The following DSPP variants were observed in gnomAD, a reference collection of about 807,000 sequenced individuals.
DSPP encodes dentin sialophosphoprotein.
Under a neutral mutation model 29.1 loss-of-function variants are expected in DSPP, and 28 were observed. The observed-to-expected ratio is 0.96, with a 90% CI of 0.71 to 1.32. The LOEUF is 1.32. Ranked by LOEUF, DSPP falls within the 40% of genes most tolerant of loss-of-function variation. The pLI is 0.00. For missense variants in DSPP, 1,281 were observed against 1,629.9 expected (o/e 0.79, Z 3.69); for synonymous variants, 481 against 503.4 (o/e 0.96, Z 0.60).
In DSPP at chr4:87,616,405, ACAG is replaced by A; in HGVS notation, c.3747_3749del (p.Ser1250del). On this transcript the variant is annotated inframe_deletion, in exon 5 of 5. Transcript: ENST00000651931. ...AGCAGCGATAGCAGTGACAGCAGCA[ACAG>A]CAGTGACAGCAGCGACAGCAGTGAT... 1 of 1,531,328 alleles carries A rather than the reference ACAG, an allele frequency of 6.5e-7. No homozygotes were observed. Among genetic ancestry groups the A allele is most frequent in the Non-Finnish European group, 8.8e-7 (1 of 1,130,740 alleles). The allele number at this position is 1,531,328 out of a possible 1,614,324, so 94.9% of individuals were successfully genotyped here.
Position 87,613,058 on chromosome 4 carries a change from A to C in DSPP, c.872A>C (p.His291Pro). The change falls in exon 4 of 5, where the codon CAT (histidine) becomes CCT (proline). Residue 291 changes from histidine (H) to proline (P), a missense_variant. His to Pro is a moderately conservative substitution (Grantham distance 77). Coordinates refer to ENST00000651931, the MANE Select transcript of DSPP (RefSeq NM_014208.3). ...CAGGACCATGGGAAAGAAGATGATC[A>C]TGATAGTAGCATAGGTCAAAATTCA... ...EGQDHGKEDD[H>P]DSSIGQNSDS... 6.2e-7 allele frequency: 1 copy of C among 1,614,198 alleles called. No homozygotes were observed. The highest frequency in any genetic ancestry group is 8.5e-7 in the Non-Finnish European group (1 of 1,180,032).
At position 87,615,938 on chromosome 4, in the gene DSPP, T is replaced by C. The variant is rs376726974; in HGVS notation, c.3276T>C (p.Asn1092=). ...SESSDSSDSS[N]SSDSSDSSDS... is the part of the protein sequence containing the mutation. ...GCAGTGATAGCAGTGACAGCAGCAA[T>C]AGCAGTGACAGCAGCGATAGCAGCG... is the stretch of plus-strand genomic sequence containing the variant. The change falls in exon 5 of 5, where the codon AAT becomes AAC. Residue 1092 remains asparagine (N), a synonymous_variant. Transcript: ENST00000651931. 58 of 371,576 alleles carry C rather than the reference T, an allele frequency of 1.6e-4. 15 individuals carry two copies. The African/African-American group carries it at 2.6e-3, about 16-fold the overall frequency. 23.0% of individuals were successfully genotyped at this position (371,576 alleles called of 1,614,324 possible).
chr4:87,613,406 T>G, intron 4 of DSPP, 98 bp downstream of exon 4: 1 of 1,410,674 alleles, frequency 7.1e-7, no homozygotes, highest in Non-Finnish European at 9.9e-7. Context: ...AGCATCCATG[T>G]ATTTTTGTAT....
chr4:87,613,979 C>T lies in DSPP; in HGVS notation c.1317C>T (p.Ser439=), dbSNP rs1171063709. The T allele has an allele frequency of 1.9e-6, 3 of 1,613,998 alleles. No homozygotes were observed. Among genetic ancestry groups the T allele is most frequent in the Non-Finnish European group, 2.5e-6 (3 of 1,180,042 alleles). The change falls in exon 5 of 5, where the codon AGC becomes AGT. Residue 439 remains serine, a synonymous_variant. Coordinates refer to ENST00000651931, the MANE Select transcript of DSPP (RefSeq NM_014208.3). ...KSEPGNKVGH[S]NTGSDSNSDG... is the part of the protein sequence containing the mutation. The stretch of plus-strand genomic sequence containing the variant: ...AACCAGGAAATAAAGTTGGACACAG[C>T]AATACAGGTAGTGACAGCAATAGTG...
In DSPP at chr4:87,613,016, G is replaced by T; in HGVS notation, c.830G>T (p.Ser277Ile). Reference sequence around the variant, plus strand: ...AATGGAAAAGACAGTAGTAATAACAGCAAGGGCCAGGAGGGCCAGGACCAT... The same window carrying T: ...AATGGAAAAGACAGTAGTAATAACATCAAGGGCCAGGAGGGCCAGGACCAT... The part of the protein sequence containing the change: ...AGNGKDSSNN[S>I]KGQEGQDHGK... Residue 277 changes from serine to isoleucine, a missense_variant, in exon 4 of 5, where the codon AGC becomes ATC. Around this residue, in one of 4 missense-constraint regions of DSPP, gnomAD observed 631 missense variants for 643.2 expected, o/e 0.98. Coordinates refer to ENST00000651931, the MANE Select transcript of DSPP (RefSeq NM_014208.3). The T allele has an allele frequency of 1.9e-6, 3 of 1,614,160 alleles. No homozygotes were observed. Among genetic ancestry groups the T allele is most frequent in the Non-Finnish European group, 2.5e-6 (3 of 1,180,030 alleles).
At chr4:87,611,857 G>A (rs1415629980) in intron 2 of DSPP, among the ~76,000 whole-genome samples, 9 of 152,246 alleles carry the variant, frequency 5.9e-5, no homozygotes, top group South Asian at 2.1e-4. Context: ...GATCTAACAC[G>A]TCCATAAAAT....
chr4:87,616,555 C>A lies in DSPP; in HGVS notation c.3893C>A (p.Thr1298Asn), dbSNP rs1426380802. Residue 1298 changes from threonine (T) to asparagine (N), a missense_variant, in exon 5 of 5, where the codon ACC (threonine) becomes AAC (asparagine). Physicochemically the swap from Thr to Asn is moderately conservative, Grantham distance 65 (BLOSUM62 0). Transcript: ENST00000651931. Reference protein sequence around the residue: ...DSEGSDSNHSTSDD With the variant: ...DSEGSDSNHSNSDD ...GAAGGCAGTGACAGTAACCACTCAA[C>A]CAGTGATGATTAGAACAAAAGAAAA... 4.1e-5 allele frequency: 64 copies of A among 1,551,562 alleles called. No homozygotes were observed. The highest frequency in any genetic ancestry group is 3.3e-4 in the Middle Eastern group (2 of 6,014).
rs1011664796 is a variant in DSPP at position 87,615,714 on chromosome 4, A to G, written c.3052A>G (p.Ser1018Gly). 2.3e-5 allele frequency: 33 copies of G among 1,452,300 alleles called. No individual in the cohort carries two copies. The East Asian group carries it at 9.2e-4, about 40-fold the overall frequency. 90.0% of individuals were successfully genotyped at this position (1,452,300 alleles called of 1,614,324 possible). ...CAGTGACAGCAGTGATAGCAGTAAT[A>G]GTAGTGACAGCAGCAATAGCAGTGA... The part of the protein sequence containing the change: ...DSSDSSDSSN[S>G]SDSSNSSDSS... The change falls in exon 5 of 5, where the codon AGT becomes GGT. Residue 1018 changes from serine to glycine, a missense_variant. Ser to Gly is a moderately conservative substitution (Grantham distance 56). Coordinates refer to ENST00000651931, the MANE Select transcript of DSPP (RefSeq NM_014208.3).
rs369971009 is a variant in DSPP, at chr4:87,615,233, T to C, written c.2571T>C (p.Asn857=). The change falls in exon 5 of 5, where the codon AAT becomes AAC. Residue 857 remains asparagine, a synonymous_variant. Coordinates refer to ENST00000651931, the MANE Select transcript of DSPP (RefSeq NM_014208.3). ...SSDGSDSDSS[N]RSDSSNSSDS... is the part of the protein sequence containing the mutation. The stretch of plus-strand genomic sequence containing the variant: ...ACGGCAGTGATAGCGACAGCAGCAA[T>C]AGAAGTGACAGTAGTAATAGTAGTG... 231 of 1,519,164 alleles carry C rather than the reference T, an allele frequency of 1.5e-4. No homozygotes were observed. The highest frequency in any genetic ancestry group is 2.0e-4 in the Non-Finnish European group (221 of 1,132,270). The allele number at this position is 1,519,164 out of a possible 1,614,324, so 94.1% of individuals were successfully genotyped here. A position where few individuals can be genotyped will look rare whatever the true frequency, so the allele number is the denominator to read the frequency against.
At chr4:87,612,024 T>C in intron 2 of DSPP, 81 bp from the exon 3 acceptor site, 1 of 1,260,586 alleles carries the variant, frequency 7.9e-7, no homozygotes, top group South Asian at 1.3e-5. Context: ...TGTGTGTGTG[T>C]GTGTGTGTGT....
At position 87,615,980 on chromosome 4, in the gene DSPP, CGATAGCAGTGACAGCAGCGATAGCAGT is replaced by C. The variant is rs1560480381; in HGVS notation, c.3321_3347del (p.Asp1113_Ser1121del). On this transcript the variant is annotated inframe_deletion, in exon 5 of 5. Transcript: ENST00000651931. Reference sequence around the variant, plus strand: ...ATAGCAGCGACAGCAGCGACAGCAGCGATAGCAGTGACAGCAGCGATAGCAGTGACAGCAGTGACAGCAGCAATAGCA... The same window carrying C: ...ATAGCAGCGACAGCAGCGACAGCAGCGACAGCAGTGACAGCAGCAATAGCA... The C allele has an allele frequency of 2.1e-6, 1 of 470,010 alleles. No homozygotes were observed. Among genetic ancestry groups the C allele is most frequent in the Non-Finnish European group, 3.2e-6 (1 of 315,590 alleles). The allele number at this position is 470,010 out of a possible 1,614,324, so 29.1% of individuals were successfully genotyped here.
intron 4 of DSPP, 113 bp from the exon 5 acceptor site, chr4:87,613,672 G>C (rs1173847846): frequency 1.4e-6 from 2 of 1,442,678 alleles, no homozygotes; most frequent in East Asian, 2.3e-5. Context: ...TGAAGTACTA[G>C]AAATGTAACT....
chr4:87,612,011 TTGTGTGTGTGTGTG>T, intron 2 of DSPP, 80 bp from the exon 3 acceptor site: 18 of 1,068,080 alleles, frequency 1.7e-5, no homozygotes, highest in Non-Finnish European at 2.0e-5. Context: ...GGAAGAATAT[TTGTGTGTGTGTGTG>T]TGTGTGTGTG....
chr4:87,614,444 T>C lies in DSPP; in HGVS notation c.1782T>C (p.Asp594=). 6.4e-7 allele frequency: 1 copy of C among 1,552,228 alleles called. No homozygotes were observed. Among genetic ancestry groups the C allele is most frequent in the Non-Finnish European group, 8.7e-7 (1 of 1,147,714 alleles). ...DSDSSDSSDS[D]SSDSSNSSDS... Reference sequence around the variant, plus strand: ...ACAGCAGTGATAGCAGTGACAGTGATAGTAGTGATAGCAGCAATAGCAGTG... The same window carrying C: ...ACAGCAGTGATAGCAGTGACAGTGACAGTAGTGATAGCAGCAATAGCAGTG... The change falls in exon 5 of 5, where the codon GAT becomes GAC. Residue 594 remains aspartate (D), a synonymous_variant. Transcript: ENST00000651931.
intron 2 of DSPP, among the ~76,000 whole-genome samples, chr4:87,611,325 A>G (rs1253551235): frequency 6.6e-6 from 1 of 152,184 alleles, no homozygotes; most frequent in Non-Finnish European, 1.5e-5. Flanking sequence ...TCTTTGCTTC[A>G]TACTCTGTGA....
rs1165943708 is a variant in DSPP, at chr4:87,612,158, T to C, written c.105T>C (p.His35=). The C allele has an allele frequency of 1.9e-6, 3 of 1,614,038 alleles. 1 individual carries two copies. The South Asian group carries it at 3.3e-5, about 18-fold the overall frequency. The change falls in exon 3 of 5, where the codon CAT becomes CAC. Residue 35 remains histidine, a synonymous_variant. Coordinates refer to ENST00000651931, the MANE Select transcript of DSPP (RefSeq NM_014208.3). ...ATGTCGAAAAATCCATGAATTTGCATCTCCTAGCAAGATCAAATGTGTCAG... is the reference window on the plus strand; with the variant it reads ...ATGTCGAAAAATCCATGAATTTGCACCTCCTAGCAAGATCAAATGTGTCAG... ...ERHVEKSMNL[H]LLARSNVSVQ...
intron 1 of DSPP, among the ~76,000 whole-genome samples, chr4:87,609,591 C>A (rs1727698011): frequency 6.6e-6 from 1 of 152,128 alleles, no homozygotes; most frequent in South Asian, 2.1e-4. Context: ...AGAATGAGCA[C>A]TTTTTTCCCC....
chr4:87,616,250 C>A lies in DSPP; in HGVS notation c.3588C>A (p.Ser1196Arg). 1 of 1,518,790 alleles carries A rather than the reference C, an allele frequency of 6.6e-7. No homozygotes were observed. The highest frequency in any genetic ancestry group is 1.2e-5 in the South Asian group (1 of 81,060). The allele number at this position is 1,518,790 out of a possible 1,614,324, so 94.1% of individuals were successfully genotyped here. A position where few individuals can be genotyped will look rare whatever the true frequency, so the allele number is the denominator to read the frequency against. Reference sequence around the variant, plus strand: ...ATAGCAGTGACAGCAGCGACAGCAGCGATAGCAGCGACAGCAGCGATAGTA... The same window carrying A: ...ATAGCAGTGACAGCAGCGACAGCAGAGATAGCAGCGACAGCAGCGATAGTA... ...SSDSSDSSDS[S>R]DSSDSSDSSD... The change falls in exon 5 of 5, where the codon AGC becomes AGA. Residue 1196 changes from serine to arginine, a missense_variant. This residue lies in a region of DSPP where 134 missense variants were observed against 185.0 expected (regional missense o/e 0.72). Transcript: ENST00000651931.
chr4:87,610,666 C>G (rs568046002), intron 1 of DSPP, among the ~76,000 whole-genome samples: 1 of 152,258 alleles, frequency 6.6e-6, no homozygotes, highest in African/African-American at 2.4e-5. Context: ...TTCATTGGCA[C>G]AGGCAGAAAA....
Sources: gnomAD v4.1 joint callset for allele counts (sites outside exome capture counted in the v4.1 genomes callset) on GRCh38, gnomAD v4.1.1 for gene constraint, gnomAD v4.1.1 regional missense constraint, MANE v1.5 for transcripts, NCBI Gene and HGNC (gene_info 2026-07-23, HGNC 2026-07-21) for gene names.